The following SLF1 variants were observed in gnomAD, a reference collection of about 807,000 sequenced individuals.
SLF1 encodes SMC5-SMC6 complex localization factor protein 1.
A neutral mutation model predicts 123.0 loss-of-function variants in SLF1; 105 were observed. The ratio of observed to expected loss-of-function variants is 0.85; its 90% CI spans 0.73 to 1.00. SLF1 has a LOEUF of 1.00. SLF1 is among the 50% of genes least tolerant of loss of function. The pLI, the probability that SLF1 is intolerant of heterozygous loss-of-function variation, is 0.00. For synonymous variants in SLF1, 434 were observed against 406.6 expected (o/e 1.07, Z -0.81); for missense variants, 1,239 against 1,223.0 (o/e 1.01, Z -0.20).
intron 16 of SLF1, among the ~76,000 whole-genome samples, 200 bp from the exon 17 acceptor site, chr5:94,688,306 T>C (rs896714243): frequency 6.6e-6 from 1 of 152,182 alleles, no homozygotes; most frequent in Non-Finnish European, 1.5e-5. Flanking sequence ...GAAGGTGTTT[T>C]TCTGGTTGTT....
chr5:94,652,918 C>T (rs994843656), intron 7 of SLF1, among the ~76,000 whole-genome samples: 2 of 152,142 alleles, frequency 1.3e-5, no homozygotes, highest in Admixed American at 6.6e-5. Context: ...AGTGCAATGG[C>T]GCAATCTCAG....
intron 1 of SLF1, among the ~76,000 whole-genome samples, chr5:94,623,963 A>G (rs1792017337): frequency 6.6e-6 from 1 of 152,150 alleles, no homozygotes; most frequent in African/African-American, 2.4e-5. Flanking sequence ...TTGTCATATC[A>G]TGTGCTGTAA....
At chr5:94,672,316 T>A (rs1274858023) in intron 14 of SLF1, among the ~76,000 whole-genome samples, 1 of 152,178 alleles carries the variant, frequency 6.6e-6, no homozygotes, top group Admixed American at 6.5e-5. Context: ...AAAATGCTTA[T>A]GTAGTTTCTC....
intron 20 of SLF1, among the ~76,000 whole-genome samples, chr5:94,692,653 T>G (rs1753164143): frequency 6.6e-6 from 1 of 152,176 alleles, no homozygotes; most frequent in Non-Finnish European, 1.5e-5. Context: ...TCATTTCCTG[T>G]ATGTAACTAC....
rs1439223858 is a variant in SLF1 at position 94,695,826 on chromosome 5, C to G, written c.*514C>G. On this transcript the variant is annotated 3_prime_UTR_variant, in exon 21 of 21. Transcript: ENST00000265140. ...TGTTGGACTGAAATATGCATTTTAGCTTTGTGTGTTTCTAAAATAAACATT... is the reference window on the plus strand; with the variant it reads ...TGTTGGACTGAAATATGCATTTTAGGTTTGTGTGTTTCTAAAATAAACATT... 7.0e-6 allele frequency: 1 copy of G among 142,766 alleles called. No homozygotes were observed. The highest frequency in any genetic ancestry group is 6.9e-5 in the Admixed American group (1 of 14,564). 8.8% of individuals were successfully genotyped at this position (142,766 alleles called of 1,614,324 possible). A position where few individuals can be genotyped will look rare whatever the true frequency, so the allele number is the denominator to read the frequency against.
chr5:94,694,730 C>T, intron 20 of SLF1, 101 bp from the exon 21 acceptor site: 1 of 1,384,470 alleles, frequency 7.2e-7, no homozygotes, highest in Non-Finnish European at 9.7e-7. Context: ...AATATGATTG[C>T]AAAGAAAGCA....
At chr5:94,623,706 G>A (rs1043116558) in intron 1 of SLF1, among the ~76,000 whole-genome samples, 9 of 151,934 alleles carry the variant, frequency 5.9e-5, no homozygotes, top group Non-Finnish European at 1.2e-4. Context: ...AAACTTGACT[G>A]TACTTTAAAG....
At chr5:94,676,087 C>T (rs186187517) in intron 14 of SLF1, among the ~76,000 whole-genome samples, 4 of 152,014 alleles carry the variant, frequency 2.6e-5, no homozygotes, top group Non-Finnish European at 5.9e-5. Context: ...TTTCAGAAAT[C>T]AAAATTTACC....
intron 4 of SLF1, among the ~76,000 whole-genome samples, chr5:94,636,695 T>A (rs1325323757): frequency 6.6e-6 from 1 of 150,954 alleles, no homozygotes; most frequent in Non-Finnish European, 1.5e-5. Context: ...ATCTGTATGT[T>A]CTTGTATTTT....
In SLF1 at chr5:94,673,146, C is replaced by CT. The variant is rs35332954; in HGVS notation, c.1827+2151dup. Reference sequence around the variant, plus strand: ...ATGAGCAATTAGCTTTTGGCCATGACTTTTTTTTTTTTTAATCTTTTCTTC... The same window carrying CT: ...ATGAGCAATTAGCTTTTGGCCATGACTTTTTTTTTTTTTTAATCTTTTCTTC... On this transcript the variant is annotated intron_variant, in intron 14 of 20. Transcript: ENST00000265140. 2.1e-3 allele frequency among the ~76,000 whole-genome samples: 314 copies of CT among 146,524 alleles called. 3 individuals are homozygous for CT. The East Asian group carries it at 0.028, about 13-fold the overall frequency.
chr5:94,672,197 G>T (rs1390089170), intron 14 of SLF1, among the ~76,000 whole-genome samples: 1 of 151,994 alleles, frequency 6.6e-6, no homozygotes, highest in Non-Finnish European at 1.5e-5. Context: ...TACTAGTTAT[G>T]ATCCTATAAC....
At chr5:94,635,437 G>A (rs1460016039) in intron 4 of SLF1, among the ~76,000 whole-genome samples, 3 of 144,588 alleles carry the variant, frequency 2.1e-5, no homozygotes, top group East Asian at 4.1e-4. Flanking sequence ...GGTTATTATC[G>A]GTGGGTAAGG....
At chr5:94,671,200 T>A (rs540114013) in intron 14 of SLF1, among the ~76,000 whole-genome samples, 192 bp downstream of exon 14, 1 of 152,014 alleles carries the variant, frequency 6.6e-6, no homozygotes, top group East Asian at 1.9e-4. Context: ...CGTCTCATGT[T>A]TGCATGTAGT....
At chr5:94,647,975 T>G (rs1747256252) in intron 5 of SLF1, among the ~76,000 whole-genome samples, 1 of 152,178 alleles carries the variant, frequency 6.6e-6, no homozygotes, top group African/African-American at 2.4e-5. Flanking sequence ...ACAGTTTATT[T>G]CTTGCCTTGT....
At chr5:94,647,083 A>G (rs4537040) in intron 5 of SLF1, among the ~76,000 whole-genome samples, 22,288 of 152,140 alleles carry the variant, frequency 0.15, 1,835 homozygotes, top group East Asian at 0.32. Context: ...CAACCACTCA[A>G]TAAATTTTAA....
At chr5:94,665,707 C>T (rs879638286) in intron 11 of SLF1, among the ~76,000 whole-genome samples, 154 bp from the exon 12 acceptor site, 3 of 152,164 alleles carry the variant, frequency 2.0e-5, no homozygotes, top group Non-Finnish European at 4.4e-5. Context: ...AAGCCAAGAT[C>T]GTGCCACTGC....
At chr5:94,663,452 T>A (rs1749368604) in intron 10 of SLF1, among the ~76,000 whole-genome samples, 1 of 152,216 alleles carries the variant, frequency 6.6e-6, no homozygotes, top group Non-Finnish European at 1.5e-5. Context: ...GAGACCAGCC[T>A]GGCCAACATG....
chr5:94,658,909 T>A (rs1002511740), intron 9 of SLF1, among the ~76,000 whole-genome samples: 3 of 139,094 alleles, frequency 2.2e-5, no homozygotes, highest in African/African-American at 8.1e-5. Flanking sequence ...CTCTCTGTTA[T>A]ATATTTTTTT....
At chr5:94,640,887 A>G (rs1746363772) in intron 4 of SLF1, among the ~76,000 whole-genome samples, 1 of 152,176 alleles carries the variant, frequency 6.6e-6, no homozygotes, top group African/African-American at 2.4e-5. Context: ...CACATCAGTC[A>G]CAGTTATGTT....
Sources: gnomAD v4.1 joint callset for allele counts (sites outside exome capture counted in the v4.1 genomes callset) on GRCh38, gnomAD v4.1.1 for gene constraint, MANE v1.5 for transcripts, NCBI Gene and HGNC (gene_info 2026-07-23, HGNC 2026-07-21) for gene names.